Variants in MROH9 observed in about 807,000 individuals in gnomAD.
MROH9 encodes maestro heat-like repeat-containing protein family member 9.
In MROH9, 92 loss-of-function variants were observed where a neutral mutation model predicts 98.2. That is an observed-to-expected ratio of 0.94 (90% CI 0.79 to 1.11). The LOEUF is 1.11. Ranked by LOEUF, MROH9 falls within the 50% of genes most tolerant of loss-of-function variation. The pLI, the probability that MROH9 is intolerant of heterozygous loss-of-function variation, is 0.00. For synonymous variants in MROH9, 397 were observed against 368.9 expected, an observed-to-expected ratio of 1.08 and a Z score of -0.87; for missense variants, 1,057 against 1,014.8, an observed-to-expected ratio of 1.04 and a Z score of -0.57.
intron 3 of MROH9, among the ~76,000 whole-genome samples, chr1:170,954,012 T>C (rs1264014848): frequency 6.6e-6 from 1 of 152,098 alleles, no homozygotes; most frequent in African/African-American, 2.4e-5. Context: ...ATAACTTACA[T>C]TGTTTTGTGA....
chr1:170,965,959 T>G (rs996524903), intron 7 of MROH9, among the ~76,000 whole-genome samples: 1 of 152,144 alleles, frequency 6.6e-6, no homozygotes, highest in African/African-American at 2.4e-5. Context: ...AGCCCATAGT[T>G]TTGACATATT....
intron 20 of MROH9, among the ~76,000 whole-genome samples, chr1:171,056,915 A>G (rs1479854635): frequency 6.6e-6 from 1 of 152,192 alleles, no homozygotes. Context: ...AAAAGCAACA[A>G]CAACAGCACC....
chr1:171,007,248 G>T (rs1275197593), intron 15 of MROH9, among the ~76,000 whole-genome samples: 3 of 152,196 alleles, frequency 2.0e-5, no homozygotes, highest in African/African-American at 7.2e-5. Flanking sequence ...ACTCAAGAAG[G>T]TGTGTCTCTT....
chr1:171,061,048 TA>T (rs1653995297), intron 20 of MROH9, among the ~76,000 whole-genome samples: 1 of 152,148 alleles, frequency 6.6e-6, no homozygotes, highest in Non-Finnish European at 1.5e-5. Flanking sequence ...ACTCAATATA[TA>T]CACCGGCAAG....
chr1:171,021,822 A>G (rs183473052), intron 17 of MROH9, among the ~76,000 whole-genome samples: 87 of 152,284 alleles, frequency 5.7e-4, no homozygotes, highest in Non-Finnish European at 9.9e-4. Flanking sequence ...GGCAACCTAC[A>G]GAATGGGAAA....
chr1:170,971,157 T>C (rs1199914379), intron 7 of MROH9, among the ~76,000 whole-genome samples: 1 of 152,160 alleles, frequency 6.6e-6, no homozygotes, highest in African/African-American at 2.4e-5. Flanking sequence ...ATCTAAATAT[T>C]TGATCAGTCT....
rs1404287206 is a variant in MROH9, at chr1:171,051,352, T to C, written c.2282-10780T>C. ...TAGAATAAGCCTAAACATCCATCAA[T>C]ACTAGATTAGATAAAGAAAATGTGG... On this transcript the variant is annotated intron_variant, in intron 20 of 21. Coordinates refer to ENST00000367759, the MANE Select transcript of MROH9 (RefSeq NM_001163629.2). Among the ~76,000 whole-genome samples the C allele has an allele frequency of 2.6e-5, 4 of 152,078 alleles. No individual in the cohort carries two copies. In the East Asian group the frequency reaches 7.7e-4, roughly 29 times the overall value.
chr1:170,953,670 T>C (rs1475829446), intron 3 of MROH9, among the ~76,000 whole-genome samples: 1 of 151,718 alleles, frequency 6.6e-6, no homozygotes, highest in East Asian at 1.9e-4. Context: ...CAAATGCTTT[T>C]ATAGTTTTAC....
intron 1 of MROH9, among the ~76,000 whole-genome samples, chr1:170,940,490 T>C (rs1649080958): frequency 1.3e-5 from 2 of 152,222 alleles, no homozygotes; most frequent in South Asian, 4.1e-4. Flanking sequence ...AGTGAAGGTG[T>C]ATTGCTGGCC....
rs16863919 is a variant in MROH9, at chr1:170,989,054, T to C, written c.880-801T>C. On this transcript the variant is annotated intron_variant, in intron 10 of 21. Transcript: ENST00000367759. ...TTATAATTTTTTCTTTTGTTTGCCATAGAAAGTTGTACAGATAAATGAACT... is the reference window on the plus strand; with the variant it reads ...TTATAATTTTTTCTTTTGTTTGCCACAGAAAGTTGTACAGATAAATGAACT... Among the ~76,000 whole-genome samples, 612 of 152,272 alleles carry C rather than the reference T, an allele frequency of 4.0e-3. 7 individuals carry two copies. Among genetic ancestry groups the C allele is most frequent in the African/African-American group, 0.014 (585 of 41,562 alleles).
intron 20 of MROH9, among the ~76,000 whole-genome samples, chr1:171,030,351 G>C (rs930541875): frequency 6.6e-6 from 1 of 151,942 alleles, no homozygotes; most frequent in Non-Finnish European, 1.5e-5. Context: ...GTTTGTTCTT[G>C]ATGCTCTAGC....
At chr1:170,943,946 G>T (rs1227935111) in intron 1 of MROH9, among the ~76,000 whole-genome samples, 1 of 151,950 alleles carries the variant, frequency 6.6e-6, no homozygotes, top group African/African-American at 2.4e-5. Flanking sequence ...AAGGAAGTAG[G>T]ATTATTGTTA....
intron 15 of MROH9, among the ~76,000 whole-genome samples, chr1:171,013,295 G>A (rs1652221298): frequency 1.3e-5 from 2 of 152,308 alleles, no homozygotes; most frequent in South Asian, 4.1e-4. Flanking sequence ...GAAGTGAGCA[G>A]CATGCGAGCA....
chr1:170,957,801 T>G (rs75785838), intron 3 of MROH9, among the ~76,000 whole-genome samples: 1 of 141,540 alleles, frequency 7.1e-6, no homozygotes, highest in Non-Finnish European at 1.6e-5. Flanking sequence ...TTTTGTTTTT[T>G]TTTTTTTTGT....
chr1:171,013,567 G>A (rs1049455648), intron 15 of MROH9, among the ~76,000 whole-genome samples: 1 of 152,156 alleles, frequency 6.6e-6, no homozygotes, highest in South Asian at 2.1e-4. Context: ...GATGTGTTGT[G>A]ACATCTGGTA....
intron 3 of MROH9, among the ~76,000 whole-genome samples, chr1:170,950,121 C>A (rs1018722088): frequency 1.8e-4 from 27 of 151,970 alleles, no homozygotes; most frequent in Non-Finnish European, 2.8e-4. Flanking sequence ...TAGCAAGTGG[C>A]AGAACGAGGT....
At chr1:170,971,711 C>A in intron 7 of MROH9, 37 bp from the exon 8 acceptor site, 1 of 1,610,070 alleles carries the variant, frequency 6.2e-7, no homozygotes, top group Non-Finnish European at 8.5e-7. Context: ...ATTGGCTATG[C>A]ATAGCAAATG....
intron 11 of MROH9, among the ~76,000 whole-genome samples, chr1:170,991,403 G>T (rs1298059614): frequency 6.6e-6 from 1 of 152,116 alleles, no homozygotes; most frequent in Non-Finnish European, 1.5e-5. Flanking sequence ...GTGCTACAGA[G>T]CTGGGTATTT....
chr1:171,040,936 AG>A (rs1386002169), intron 20 of MROH9, among the ~76,000 whole-genome samples: 4 of 152,080 alleles, frequency 2.6e-5, no homozygotes, highest in Non-Finnish European at 5.9e-5. Context: ...ACTGAAATGA[AG>A]GGCTCTGTTA....
Sources: gnomAD v4.1 joint callset for allele counts (sites outside exome capture counted in the v4.1 genomes callset) on GRCh38, gnomAD v4.1.1 for gene constraint, MANE v1.5 for transcripts, NCBI Gene and HGNC (gene_info 2026-07-23, HGNC 2026-07-21) for gene names.